Variants in SLC39A11 observed in about 807,000 individuals in gnomAD.
SLC39A11 encodes the protein solute carrier family 39 member 11.
SLC39A11 carries 33 observed loss-of-function variants against 36.1 expected under a neutral mutation model. The ratio of observed to expected loss-of-function variants is 0.91; its 90% CI spans 0.69 to 1.22. The LOEUF (loss-of-function observed/expected upper bound fraction) is 1.22. SLC39A11 is among the 50% of genes most tolerant of loss of function. SLC39A11 has a pLI of 0.00. For missense variants in SLC39A11, 432 were observed against 430.3 expected, an observed-to-expected ratio of 1.00 and a Z score of -0.03; for synonymous variants, 166 against 170.3, an observed-to-expected ratio of 0.97 and a Z score of 0.20.
At chr17:72,764,878 T>C (rs1168984764) in intron 6 of SLC39A11, among the ~76,000 whole-genome samples, 1 of 152,196 alleles carries the variant, frequency 6.6e-6, no homozygotes, top group African/African-American at 2.4e-5. Flanking sequence ...TAGACCAATC[T>C]GAAACCACCT....
rs138980256 is a variant in SLC39A11, at chr17:72,723,627, C to T, written c.671+13023G>A. On this transcript the variant is annotated intron_variant, in intron 7 of 9. Coordinates refer to ENST00000255559, the MANE Select transcript of SLC39A11 (RefSeq NM_139177.4). ...TGCCATTTTTGAGGTGATACATTTA[C>T]TTTTCGAATGACTTCCGTTGAATAA... Among the ~76,000 whole-genome samples the T allele has an allele frequency of 3.4e-3, 513 of 152,292 alleles. 2 individuals carry two copies. Among genetic ancestry groups the T allele is most frequent in the African/African-American group, 0.011 (449 of 41,546 alleles).
chr17:73,054,641 C>T (rs1267694099), intron 3 of SLC39A11, among the ~76,000 whole-genome samples: 1 of 151,900 alleles, frequency 6.6e-6, no homozygotes, highest in Non-Finnish European at 1.5e-5. Flanking sequence ...AACCCCATCT[C>T]TACTAAAAAC....
At chr17:72,837,711 AAAAG>A (rs1192798382) in intron 6 of SLC39A11, 1 of 223,154 alleles carries the variant, frequency 4.5e-6, no homozygotes, top group Non-Finnish European at 8.7e-6. Context: ...TCTGGCCAGA[AAAAG>A]AAAGACTTAC....
At chr17:72,748,795 C>T (rs1444588279) in intron 6 of SLC39A11, among the ~76,000 whole-genome samples, 2 of 152,212 alleles carry the variant, frequency 1.3e-5, no homozygotes, top group Non-Finnish European at 2.9e-5. Context: ...TAACGAGCTC[C>T]GTGTCATGCC....
chr17:72,749,810 G>A (rs768587267), intron 6 of SLC39A11, among the ~76,000 whole-genome samples: 4 of 152,060 alleles, frequency 2.6e-5, no homozygotes, highest in Non-Finnish European at 5.9e-5. Context: ...CCTCTGAGGT[G>A]GGTAGACCAT....
intron 6 of SLC39A11, chr17:72,838,246 T>C (rs2078656057): frequency 8.7e-6 from 3 of 342,924 alleles, no homozygotes; most frequent in Non-Finnish European, 1.6e-5. Context: ...TTTTTTTTTT[T>C]GAGACAAGGT....
chr17:72,837,394 A>G (rs982258629), intron 6 of SLC39A11, among the ~76,000 whole-genome samples: 1 of 150,410 alleles, frequency 6.6e-6, no homozygotes, highest in African/African-American at 2.4e-5. Flanking sequence ...CAGGACTCAT[A>G]GACACCCCAA....
Position 73,084,863 on chromosome 17 carries a change from G to A in SLC39A11, c.109-17C>T. The A allele has an allele frequency of 6.2e-7, 1 of 1,613,860 alleles. No individual in the cohort carries two copies. Among genetic ancestry groups the A allele is most frequent in the South Asian group, 1.1e-5 (1 of 91,072 alleles). On this transcript the variant is annotated splice_polypyrimidine_tract_variant and intron_variant, in intron 2 of 9. Transcript: ENST00000255559. Reference sequence around the variant, plus strand: ...GATCCGCCTCTGAAAATCAAAACAAGATGTTTCAGTTTCCAAGAGACAATA... The same window carrying A: ...GATCCGCCTCTGAAAATCAAAACAAAATGTTTCAGTTTCCAAGAGACAATA...
At chr17:72,935,830 G>A (rs550157503) in intron 5 of SLC39A11, among the ~76,000 whole-genome samples, 1 of 151,256 alleles carries the variant, frequency 6.6e-6, no homozygotes, top group African/African-American at 2.4e-5. Context: ...TGATCCACCC[G>A]CCTCAGCCTC....
chr17:72,900,932 G>A (rs1173327843), intron 5 of SLC39A11, among the ~76,000 whole-genome samples: 1 of 150,406 alleles, frequency 6.6e-6, no homozygotes, highest in Non-Finnish European at 1.5e-5. Flanking sequence ...GCTTCAAAAG[G>A]TCACCTGCAT....
chr17:72,729,405 TTATATA>T (rs1162603035), intron 7 of SLC39A11, among the ~76,000 whole-genome samples: 43 of 29,206 alleles, frequency 1.5e-3, no homozygotes, highest in East Asian at 2.7e-3. Flanking sequence ...ACCTGGCTAT[TTATATA>T]TATATATATA....
chr17:72,855,313 C>T (rs1598125120), intron 5 of SLC39A11, among the ~76,000 whole-genome samples: 1 of 152,108 alleles, frequency 6.6e-6, no homozygotes, highest in East Asian at 1.9e-4. Context: ...ATGGTGTAAC[C>T]GGCTAAATCT....
At position 73,027,113 on chromosome 17, in the gene SLC39A11, C is replaced by T. The variant is rs535209880; in HGVS notation, c.306+4443G>A. Among the ~76,000 whole-genome samples, 138 of 152,282 alleles carry T rather than the reference C, an allele frequency of 9.1e-4. 1 individual carries two copies. Among genetic ancestry groups the T allele is most frequent in the African/African-American group, 2.6e-3 (106 of 41,566 alleles). ...CTCCAGCCTGGGCAACAGAGCAAGA[C>T]CCTGTCTCAAATAATAACAATAATA... On this transcript the variant is annotated intron_variant, in intron 4 of 9. Transcript: ENST00000255559.
chr17:73,053,397 C>A (rs927852880), intron 3 of SLC39A11, among the ~76,000 whole-genome samples: 1 of 152,010 alleles, frequency 6.6e-6, no homozygotes, highest in Admixed American at 6.6e-5. Context: ...AAACTGATAC[C>A]CACAGTCGCA....
intron 4 of SLC39A11, among the ~76,000 whole-genome samples, chr17:72,973,907 A>G (rs1271167670): frequency 6.6e-6 from 1 of 152,092 alleles, no homozygotes; most frequent in Non-Finnish European, 1.5e-5. Flanking sequence ...GTGTCCTCCC[A>G]AAATTAATAC....
chr17:72,751,400 C>A (rs1457921935), intron 6 of SLC39A11, among the ~76,000 whole-genome samples: 1 of 152,146 alleles, frequency 6.6e-6, no homozygotes, highest in African/African-American at 2.4e-5. Flanking sequence ...ATCCTCTCAT[C>A]GTCTAGGTTT....
chr17:72,918,276 G>T (rs1173211688), intron 5 of SLC39A11, among the ~76,000 whole-genome samples: 2 of 152,218 alleles, frequency 1.3e-5, no homozygotes, highest in South Asian at 2.1e-4. Flanking sequence ...AGGAGTGGTG[G>T]CACATGCCTG....
At chr17:72,743,872 G>A (rs2074820967) in intron 6 of SLC39A11, among the ~76,000 whole-genome samples, 1 of 152,210 alleles carries the variant, frequency 6.6e-6, no homozygotes, top group Admixed American at 6.5e-5. Context: ...CACAGCTACT[G>A]CCATTAGCTC....
intron 4 of SLC39A11, among the ~76,000 whole-genome samples, chr17:73,020,819 G>A (rs2058324714): frequency 1.3e-5 from 2 of 151,214 alleles, no homozygotes; most frequent in South Asian, 4.2e-4. Flanking sequence ...AGTAGCTGGG[G>A]CTACAGGCGC....
Sources: gnomAD v4.1 joint callset for allele counts (sites outside exome capture counted in the v4.1 genomes callset) on GRCh38, gnomAD v4.1.1 for gene constraint, MANE v1.5 for transcripts, NCBI Gene and HGNC (gene_info 2026-07-23, HGNC 2026-07-21) for gene names.